The following KCNQ5 variants were observed in gnomAD, a reference collection of about 807,000 sequenced individuals.
The protein encoded by KCNQ5 is potassium voltage-gated channel subfamily Q member 5.
A neutral mutation model predicts 98.2 loss-of-function variants in KCNQ5; 30 were observed. The ratio of observed to expected loss-of-function variants is 0.31; its 90% CI spans 0.23 to 0.41. KCNQ5 has a LOEUF of 0.41. KCNQ5 is among the 10% of genes least tolerant of loss of function. KCNQ5 has a pLI of 1.00. For synonymous variants in KCNQ5, 458 were observed against 449.4 expected (o/e 1.02, Z -0.24); for missense variants, 835 against 1,182.5 (o/e 0.71, Z 4.31).
In KCNQ5 at chr6:72,797,016, G is replaced by A. The variant is rs541606709; in HGVS notation, c.398+174429G>A. Among the ~76,000 whole-genome samples the A allele has an allele frequency of 8.5e-5, 13 of 152,232 alleles. No individual in the cohort carries two copies. The East Asian group carries it at 2.1e-3, about 25-fold the overall frequency. On this transcript the variant is annotated intron_variant, in intron 1 of 13. Coordinates refer to ENST00000370398, the MANE Select transcript of KCNQ5 (RefSeq NM_019842.4). ...ACTTCTATGAACTCACTGCCTTTAC[G>A]TTTTGTCAACACACATTAATTCTGA...
In KCNQ5 at chr6:73,149,807, AGAGAG is replaced by A. The variant is rs1179304713; in HGVS notation, c.1468+16167_1468+16171del. Among the ~76,000 whole-genome samples the A allele has an allele frequency of 2.9e-3, 416 of 141,918 alleles. 3 individuals carry two copies. The highest frequency in any genetic ancestry group is 0.011 in the African/African-American group (394 of 35,708). 93.1% of individuals were successfully genotyped at this position (141,918 alleles called of 152,430 possible). A position where few individuals can be genotyped will look rare whatever the true frequency, so the allele number is the denominator to read the frequency against. On this transcript the variant is annotated intron_variant, in intron 10 of 13. Coordinates refer to ENST00000370398, the MANE Select transcript of KCNQ5 (RefSeq NM_019842.4). ...GGGAGACTCCGAAAAAAAAAAAAAAAGAGAGAGAGAGAGAGAGAGGGAGGGAGGAA... is the reference window on the plus strand; with the variant it reads ...GGGAGACTCCGAAAAAAAAAAAAAAAAGAGAGAGAGAGAGGGAGGGAGGAA...
At chr6:72,722,634 C>A (rs1484521752) in intron 1 of KCNQ5, among the ~76,000 whole-genome samples, 2 of 152,246 alleles carry the variant, frequency 1.3e-5, no homozygotes, top group Non-Finnish European at 1.5e-5. Flanking sequence ...GGACTTCACA[C>A]ATGTGGCAAT....
intron 10 of KCNQ5, among the ~76,000 whole-genome samples, chr6:73,160,781 A>G (rs186703071): frequency 6.6e-5 from 10 of 152,290 alleles, no homozygotes; most frequent in Admixed American, 3.9e-4. Flanking sequence ...CCTTGGCTAT[A>G]CATCGCATTC....
chr6:72,995,934 G>A lies in KCNQ5; in HGVS notation c.399-7974G>A, dbSNP rs1037084194. ...GTAATAGACAAAAACACATCTTTACGGCTTTTGTTACTTGGTCAAATATAT... is the reference window on the plus strand; with the variant it reads ...GTAATAGACAAAAACACATCTTTACAGCTTTTGTTACTTGGTCAAATATAT... On this transcript the variant is annotated intron_variant, in intron 1 of 13. Coordinates refer to ENST00000370398, the MANE Select transcript of KCNQ5 (RefSeq NM_019842.4). Among the ~76,000 whole-genome samples, 9 of 152,094 alleles carry A rather than the reference G, an allele frequency of 5.9e-5. No individual in the cohort carries two copies. The South Asian group carries it at 6.2e-4, about 11-fold the overall frequency.
chr6:73,120,209 G>A (rs150735057), intron 7 of KCNQ5, among the ~76,000 whole-genome samples: 1,945 of 152,156 alleles, frequency 0.013, 44 homozygotes, highest in African/African-American at 0.045. Context: ...TCGCACCACT[G>A]CACTCCAGCC....
intron 6 of KCNQ5, among the ~76,000 whole-genome samples, chr6:73,107,840 G>T (rs1775067338): frequency 2.0e-5 from 3 of 152,046 alleles, no homozygotes; most frequent in Admixed American, 6.6e-5. Flanking sequence ...CCTCTACTAA[G>T]GATCTTTTAC....
chr6:72,910,317 T>C (rs970652968), intron 1 of KCNQ5, among the ~76,000 whole-genome samples: 9 of 152,130 alleles, frequency 5.9e-5, no homozygotes, highest in African/African-American at 2.2e-4. Flanking sequence ...CATCTTATAG[T>C]TGAGGAAATA....
chr6:72,709,448 A>G (rs1769249783), intron 1 of KCNQ5, among the ~76,000 whole-genome samples: 1 of 152,220 alleles, frequency 6.6e-6, no homozygotes, highest in African/African-American at 2.4e-5. Flanking sequence ...TGTAATTTAC[A>G]TAACACTCTG....
intron 1 of KCNQ5, among the ~76,000 whole-genome samples, chr6:72,769,991 C>G (rs1039240051): frequency 6.6e-6 from 1 of 152,092 alleles, no homozygotes; most frequent in South Asian, 2.1e-4. Flanking sequence ...TAGAGTAGAT[C>G]TGAGTTTTAA....
chr6:73,135,209 CA>C (rs1357500248), intron 10 of KCNQ5: 2 of 151,834 alleles, frequency 1.3e-5, no homozygotes, highest in East Asian at 3.9e-4. Flanking sequence ...AAAATCATTC[CA>C]TTTATATATA....
At chr6:72,982,487 C>CTTTTTT (rs141947372) in intron 1 of KCNQ5, among the ~76,000 whole-genome samples, 20 of 60,288 alleles carry the variant, frequency 3.3e-4, no homozygotes, top group African/African-American at 8.8e-4. Context: ...GCAACCCCTG[C>CTTTTTT]TTTTTTTTTT....
intron 1 of KCNQ5, among the ~76,000 whole-genome samples, chr6:72,856,447 CACACACACACACACACACATATAT>C (rs1392628598): frequency 2.9e-4 from 25 of 87,630 alleles, no homozygotes; most frequent in African/African-American, 8.2e-4. Context: ...TGTATACATA[CACACACACACACACACACATATAT>C]ACACACACAC....
In KCNQ5 at chr6:73,142,536, C is replaced by T. The variant is rs1018297955; in HGVS notation, c.1468+8895C>T. On this transcript the variant is annotated intron_variant, in intron 10 of 13. Transcript: ENST00000370398. ...AAATCCTGGCCTCAACCTATAGCTA[C>T]GCAATTATATTCCACTCTTAGTGCA... Among the ~76,000 whole-genome samples, 4 of 151,432 alleles carry T rather than the reference C, an allele frequency of 2.6e-5. No homozygotes were observed. The East Asian group carries it at 5.8e-4, about 22-fold the overall frequency.
chr6:72,960,978 A>C (rs1460862677), intron 1 of KCNQ5, among the ~76,000 whole-genome samples: 2 of 152,212 alleles, frequency 1.3e-5, no homozygotes, highest in Non-Finnish European at 2.9e-5. Context: ...TCTTTAAAAA[A>C]AATGCAGTTA....
At chr6:72,894,640 T>C (rs1259711032) in intron 1 of KCNQ5, among the ~76,000 whole-genome samples, 1 of 152,194 alleles carries the variant, frequency 6.6e-6, no homozygotes, top group East Asian at 1.9e-4. Context: ...TGATTCCTCA[T>C]GGAGACTGTC....
chr6:72,971,678 G>A (rs1767907600), intron 1 of KCNQ5, among the ~76,000 whole-genome samples: 2 of 152,198 alleles, frequency 1.3e-5, no homozygotes, highest in South Asian at 4.1e-4. Flanking sequence ...ATGAGTTCAT[G>A]TCCTTTGTAG....
At chr6:72,988,487 G>C (rs568201382) in intron 1 of KCNQ5, among the ~76,000 whole-genome samples, 53 of 152,166 alleles carry the variant, frequency 3.5e-4, no homozygotes, top group African/African-American at 1.2e-3. Context: ...GGGAACAATA[G>C]ACACTGCAGA....
At chr6:72,894,880 T>C (rs772808905) in intron 1 of KCNQ5, among the ~76,000 whole-genome samples, 6 of 152,028 alleles carry the variant, frequency 3.9e-5, no homozygotes, top group Non-Finnish European at 8.8e-5. Flanking sequence ...GTAAATAACA[T>C]AGCCACACAA....
intron 1 of KCNQ5, among the ~76,000 whole-genome samples, chr6:72,748,621 A>G (rs769235636): frequency 3.3e-5 from 5 of 152,174 alleles, no homozygotes; most frequent in Admixed American, 6.6e-5. Flanking sequence ...ATTAAGGGAT[A>G]TGAGGCCCAT....
Sources: allele counts gnomAD v4.1 joint callset (sites outside exome capture counted in the v4.1 genomes callset), GRCh38; gene constraint gnomAD v4.1.1; transcripts MANE v1.5; gene names NCBI Gene and HGNC (gene_info 2026-07-23, HGNC 2026-07-21).